Variants in AMZ2 observed in about 807,000 individuals in gnomAD.
AMZ2 encodes archaelysin family metallopeptidase 2, also known as archaemetzincin-2.
In AMZ2, 26 loss-of-function variants were observed where a neutral mutation model predicts 36.7. The observed-to-expected ratio is 0.71, with a 90% CI of 0.52 to 0.98. AMZ2 has a LOEUF of 0.98. AMZ2 is among the 50% of genes least tolerant of loss of function. The pLI is 0.00. For missense variants in AMZ2, 394 were observed against 430.5 expected (o/e 0.92, Z 0.75); for synonymous variants, 144 against 149.1 (o/e 0.97, Z 0.25).
chr17:68,220,646 G>A (rs1283316365), intron 1 of AMZ2, among the ~76,000 whole-genome samples: 4 of 152,024 alleles, frequency 2.6e-5, no homozygotes, highest in Non-Finnish European at 4.4e-5. Flanking sequence ...GTCCAGCAGG[G>A]GAGAAGACAC....
chr17:68,250,511 G>T, intron 2 of AMZ2, 41 bp downstream of exon 2: 1 of 1,596,784 alleles, frequency 6.3e-7, no homozygotes, highest in South Asian at 1.1e-5. Context: ...CAGTTTTGCA[G>T]TGGCGCTCTT....
intron 5 of AMZ2, among the ~76,000 whole-genome samples, chr17:68,255,436 G>T (rs533311246): frequency 3.3e-5 from 5 of 152,312 alleles, no homozygotes; most frequent in African/African-American, 1.2e-4. Context: ...ATCGCACAGT[G>T]CACAGGACAG....
At chr17:68,246,369 A>G (rs2074012641), upstream of AMZ2, among the ~76,000 whole-genome samples, 1 of 152,096 alleles carries the variant, frequency 6.6e-6, no homozygotes, top group Non-Finnish European at 1.5e-5. Context: ...CTTCGTGTCA[A>G]GTAATAATAA....
chr17:68,250,329 T>C lies in AMZ2; in HGVS notation c.142T>C (p.Phe48Leu). 1 of 1,614,230 alleles carries C rather than the reference T, an allele frequency of 6.2e-7. No homozygotes were observed. The highest frequency in any genetic ancestry group is 1.3e-5 in the African/African-American group (1 of 75,064). ...AGCCTTCCAGCCAGCCAGTGATCTC[T>C]TTGGACCCATTACCTTGCATTCTCC... ...NEAFQPASDL[F>L]GPITLHSPSD... is the part of the protein sequence containing the mutation. Residue 48 changes from phenylalanine to leucine, a missense_variant, in exon 2 of 7, where the codon TTT becomes CTT. By Grantham distance (22) the Phe-to-Leu change is conservative. Coordinates refer to ENST00000359904, the MANE Select transcript of AMZ2 (RefSeq NM_016627.5).
chr17:68,234,864 A>G (rs184677236), intron 1 of AMZ2, among the ~76,000 whole-genome samples: 89 of 151,848 alleles, frequency 5.9e-4, no homozygotes, highest in Non-Finnish European at 1.1e-3. Context: ...AAAATACAAA[A>G]ATTAGCCGGG....
chr17:68,223,901 T>A (rs782197344), intron 1 of AMZ2, among the ~76,000 whole-genome samples: 11,237 of 149,200 alleles, frequency 0.075, 603 homozygotes, highest in Non-Finnish European at 0.11. Context: ...TATATATATT[T>A]TTTTTTGAAA....
chr17:68,234,787 GAA>G (rs1304840493), intron 1 of AMZ2, among the ~76,000 whole-genome samples: 1 of 112,856 alleles, frequency 8.9e-6, no homozygotes, highest in Non-Finnish European at 1.9e-5. Context: ...TCAAAAAAAA[GAA>G]AAAAAAAAAA....
Position 68,241,085 on chromosome 17 carries a change from T to C in AMZ2, c.-66-7555T>C, listed in dbSNP as rs1555733882. Among the ~76,000 whole-genome samples the C allele has an allele frequency of 2.0e-5, 3 of 152,104 alleles. No homozygotes were observed. The East Asian group carries it at 5.8e-4, about 29-fold the overall frequency. On this transcript the variant is annotated intron_variant, in intron 1 of 7. Transcript: ENST00000674770. ...GTAGTTGTAGTCCTAGGAACAGCTA[T>C]GCAGTAGGCCCATGGACAACCAGTA... is the stretch of plus-strand genomic sequence containing the variant.
At chr17:68,238,228 T>G (rs1465596807) in intron 1 of AMZ2, among the ~76,000 whole-genome samples, 1 of 152,222 alleles carries the variant, frequency 6.6e-6, no homozygotes, top group Admixed American at 6.5e-5. Flanking sequence ...TTTTTTTAAA[T>G]AGAAATCAGA....
intron 4 of AMZ2, among the ~76,000 whole-genome samples, chr17:68,251,884 G>A (rs1555740028): frequency 6.6e-6 from 1 of 152,054 alleles, no homozygotes; most frequent in African/African-American, 2.4e-5. Context: ...CTCATCATAC[G>A]ACATTTGTTT....
chr17:68,247,504 A>G (rs2074079673), upstream of AMZ2: 1 of 493,172 alleles, frequency 2.0e-6, no homozygotes, highest in Non-Finnish European at 2.6e-6. Flanking sequence ...TCGGCCTCGG[A>G]GCGCCAGGGA....
chr17:68,224,191 C>T (rs1434018158), intron 1 of AMZ2, among the ~76,000 whole-genome samples: 3 of 152,226 alleles, frequency 2.0e-5, no homozygotes, highest in Admixed American at 6.5e-5. Context: ...GATCTGCCAG[C>T]CTCAGCCTCC....
intron 1 of AMZ2, among the ~76,000 whole-genome samples, chr17:68,225,056 C>T (rs1555729571): frequency 1.3e-5 from 2 of 151,634 alleles, no homozygotes; most frequent in South Asian, 4.2e-4. Context: ...GCTGGGCATG[C>T]TGGCGTGCAC....
At position 68,220,803 on chromosome 17, in the gene AMZ2, CAG is replaced by C. The variant is rs1178465113; in HGVS notation, c.-67+14566_-67+14567del. 2.0e-4 allele frequency among the ~76,000 whole-genome samples: 22 copies of C among 110,554 alleles called. 1 individual carries two copies. The Admixed American group carries it at 2.3e-3, about 12-fold the overall frequency. 72.5% of individuals were successfully genotyped at this position (110,554 alleles called of 152,430 possible). A position where few individuals can be genotyped will look rare whatever the true frequency, so the allele number is the denominator to read the frequency against. On this transcript the variant is annotated intron_variant, in intron 1 of 7. Coordinates refer to the AMZ2 transcript ENST00000674770. ...TTCTCTTTTTTTTTTTTTTTTGAGA[CAG>C]GGTCTCAATCTGTCTCGCCCAGGCT...
At position 68,250,914 on chromosome 17, in the gene AMZ2, CAA is replaced by C. The variant is rs1555739295; in HGVS notation, c.405_406del (p.Arg136MetfsTer4). 6.2e-7 allele frequency: 1 copy of C among 1,610,324 alleles called. No individual in the cohort carries two copies. The highest frequency in any genetic ancestry group is 2.2e-5 in the East Asian group (1 of 44,856). ...CTAGAACCAGTTCCTGTTTCTGTAACAAGATGTTCCTTTAGAGTCAATGAGAA... is the reference window on the plus strand; with the variant it reads ...CTAGAACCAGTTCCTGTTTCTGTAACGATGTTCCTTTAGAGTCAATGAGAA... On this transcript the variant is annotated frameshift_variant, in exon 3 of 7. Transcript: ENST00000359904. LOFTEE classifies it high-confidence loss of function.
At chr17:68,215,068 G>A (rs1165728682) in intron 1 of AMZ2, among the ~76,000 whole-genome samples, 1 of 152,212 alleles carries the variant, frequency 6.6e-6, no homozygotes, top group East Asian at 1.9e-4. Context: ...ATAGGCGTGA[G>A]CCACTGCGTC....
At chr17:68,215,979 AAAG>A (rs1555727147) in intron 1 of AMZ2, among the ~76,000 whole-genome samples, 1 of 152,198 alleles carries the variant, frequency 6.6e-6, no homozygotes, top group African/African-American at 2.4e-5. Flanking sequence ...AGACCTGTAA[AAAG>A]AAGTAGTTGT....
rs565488841 is a variant in AMZ2 at position 68,250,141 on chromosome 17, A to G, written c.1-47A>G. Reference sequence around the variant, plus strand: ...ATATAGAGGATAGGTAAAGTCCCCAATGTAGATATGTATTTTTATATTTGA... The same window carrying G: ...ATATAGAGGATAGGTAAAGTCCCCAGTGTAGATATGTATTTTTATATTTGA... On this transcript the variant is annotated intron_variant, in intron 1 of 6. Transcript: ENST00000359904. The G allele has an allele frequency of 9.7e-5, 152 of 1,570,214 alleles. 1 individual carries two copies. The highest frequency in any genetic ancestry group is 3.9e-4 in the Admixed American group (22 of 56,328).
At position 68,211,810 on chromosome 17, in the gene AMZ2, A is replaced by G. The variant is rs529133980; in HGVS notation, c.-67+5572A>G. On this transcript the variant is annotated intron_variant, in intron 1 of 7. Transcript: ENST00000674770. ...TATATGTATATATGTGTATATGTAT[A>G]TATGTATGTGTATGTATATGTATAT... is the stretch of plus-strand genomic sequence containing the variant. Among the ~76,000 whole-genome samples, 23 of 98,090 alleles carry G rather than the reference A, an allele frequency of 2.3e-4. 1 individual carries two copies. The highest frequency in any genetic ancestry group is 5.8e-4 in the African/African-American group (18 of 31,176). 64.4% of individuals were successfully genotyped at this position (98,090 alleles called of 152,430 possible).
Sources: gnomAD v4.1 joint callset for allele counts (sites outside exome capture counted in the v4.1 genomes callset) on GRCh38, gnomAD v4.1.1 for gene constraint, MANE v1.5 for transcripts, NCBI Gene and HGNC (gene_info 2026-07-23, HGNC 2026-07-21) for gene names.